KLK7: variants seen among roughly 807,000 people sequenced by gnomAD.
KLK7 encodes the protein kallikrein related peptidase 7, also known as kallikrein-7.
In KLK7, 17 loss-of-function variants were observed where a neutral mutation model predicts 21.0. That is an observed-to-expected ratio of 0.81 (90% CI 0.55 to 1.21). The LOEUF is 1.21. KLK7 is among the 50% of genes most tolerant of loss of function. The probability of loss-of-function intolerance (pLI) is 0.00; values close to 1 mark genes in which losing one functional copy is unlikely to be tolerated. For missense variants in KLK7, 330 were observed against 322.8 expected, an observed-to-expected ratio of 1.02 and a Z score of -0.17; for synonymous variants, 151 against 134.6, an observed-to-expected ratio of 1.12 and a Z score of -0.85.
chr19:50,980,104 G>A, intron 4 of KLK7, 136 bp downstream of exon 4: 1 of 1,201,002 alleles, frequency 8.3e-7, no homozygotes, highest in Non-Finnish European at 1.2e-6. Context: ...CTGGGGGCCT[G>A]GACTCCTGGG....
At position 50,977,512 on chromosome 19, in the gene KLK7, A is replaced by T; in HGVS notation, c.*24T>A. The T allele has an allele frequency of 6.2e-7, 1 of 1,607,696 alleles. No homozygotes were observed. Among genetic ancestry groups the T allele is most frequent in the Non-Finnish European group, 8.5e-7 (1 of 1,174,532 alleles). On this transcript the variant is annotated 3_prime_UTR_variant, in exon 6 of 6. Coordinates refer to ENST00000595820, the MANE Select transcript of KLK7 (RefSeq NM_005046.4). Reference sequence around the variant, plus strand: ...CCTGTGCATTTTCTGTTGGAAGCACACAGTTAATTAACTCAGTGTGGCGTT... The same window carrying T: ...CCTGTGCATTTTCTGTTGGAAGCACTCAGTTAATTAACTCAGTGTGGCGTT...
Position 50,977,578 on chromosome 19 carries a change from C to T in KLK7, c.720G>A (p.Lys240=), listed in dbSNP as rs760820716. The T allele has an allele frequency of 1.9e-6, 3 of 1,613,966 alleles. No homozygotes were observed. Among genetic ancestry groups the T allele is most frequent in the Middle Eastern group, 1.6e-4 (1 of 6,062 alleles). ...NDPGVYTQVC[K]FTKWINDTMK... ...TGGTGTCATTTATCCACTTGGTGAA[C>T]TTGCACACTTGAGTGTAGACTCCTG... The change falls in exon 6 of 6, where the codon AAG becomes AAA. Residue 240 remains lysine, a synonymous_variant. Transcript: ENST00000595820.
rs1283250300 is a variant in KLK7, at chr19:50,977,618, C to T, written c.680G>A (p.Gly227Asp). The change falls in exon 6 of 6, where the codon GGC becomes GAC. Residue 227 changes from glycine (G) to aspartate (D), a missense_variant. Coordinates refer to ENST00000595820, the MANE Select transcript of KLK7 (RefSeq NM_005046.4). ...GTAGACTCCTGGGTCATTGGGTTGG[C>T]CGCAAGGGAAAGTTCCCCAGGACAC... ...GLVSWGTFPCGQPNDPGVYTQ... is the reference protein window; with the variant it reads ...GLVSWGTFPCDQPNDPGVYTQ... 1 of 1,613,398 alleles carries T rather than the reference C, an allele frequency of 6.2e-7. No homozygotes were observed. The highest frequency in any genetic ancestry group is 8.5e-7 in the Non-Finnish European group (1 of 1,179,890).
In KLK7 at chr19:50,977,557, G is replaced by A. The variant is rs2091046865; in HGVS notation, c.741C>T (p.Asp247=). 2 of 1,613,734 alleles carry A rather than the reference G, an allele frequency of 1.2e-6. No homozygotes were observed. Among genetic ancestry groups the A allele is most frequent in the Non-Finnish European group, 1.7e-6 (2 of 1,179,928 alleles). Reference sequence around the variant, plus strand: ...GGCGTTAGCGATGCTTTTTCATGGTGTCATTTATCCACTTGGTGAACTTGC... The same window carrying A: ...GGCGTTAGCGATGCTTTTTCATGGTATCATTTATCCACTTGGTGAACTTGC... The part of the protein sequence containing the change: ...QVCKFTKWIN[D]TMKKHR The change falls in exon 6 of 6, where the codon GAC becomes GAT. Residue 247 remains aspartate, a synonymous_variant. Coordinates refer to ENST00000595820, the MANE Select transcript of KLK7 (RefSeq NM_005046.4).
At chr19:50,977,908 C>T (rs1165357814) in intron 5 of KLK7, among the ~76,000 whole-genome samples, 1 of 152,138 alleles carries the variant, frequency 6.6e-6, no homozygotes, top group Non-Finnish European at 1.5e-5. Flanking sequence ...GCCAATGAGA[C>T]CAATTGCAGA....
intron 3 of KLK7, 89 bp from the exon 4 acceptor site, chr19:50,980,576 C>T: frequency 6.6e-7 from 1 of 1,519,816 alleles, no homozygotes. Flanking sequence ...GGACAGAGAC[C>T]CAGAGAGAGG....
intron 1 of KLK7, 86 bp from the exon 2 acceptor site, chr19:50,982,543 G>A: frequency 7.9e-7 from 1 of 1,272,878 alleles, no homozygotes; most frequent in Non-Finnish European, 1.1e-6. Flanking sequence ...ACAGACCCAG[G>A]AGTCCAGGCC....
In KLK7 at chr19:50,977,413, T is replaced by C. The variant is rs891412288; in HGVS notation, c.*123A>G. The C allele has an allele frequency of 6.0e-6, 4 of 672,204 alleles. No homozygotes were observed. Among genetic ancestry groups the C allele is most frequent in the Non-Finnish European group, 9.0e-6 (4 of 442,958 alleles). The allele number at this position is 672,204 out of a possible 1,614,324, so 41.6% of individuals were successfully genotyped here. A position where few individuals can be genotyped will look rare whatever the true frequency, so the allele number is the denominator to read the frequency against. On this transcript the variant is annotated 3_prime_UTR_variant, in exon 6 of 6. Transcript: ENST00000595820. ...ATTTGATTGGTTTATCAACAGGGCA[T>C]GAGGTTGGTTTAAATATATCTTTGA...
In KLK7 at chr19:50,977,648, C is replaced by T. The variant is rs746228119; in HGVS notation, c.650G>A (p.Gly217Asp). The T allele has an allele frequency of 1.9e-6, 3 of 1,613,774 alleles. No homozygotes were observed. In the South Asian group the frequency reaches 3.3e-5, roughly 18 times the overall value. ...AGGGAAAGTTCCCCAGGACACCAGA[C>T]CTTGCAGGGTACCTCTGCACACCAA... ...GPLVCRGTLQ[G>D]LVSWGTFPCG... The change falls in exon 6 of 6, where the codon GGT becomes GAT. Residue 217 changes from glycine (G) to aspartate (D), a missense_variant. Transcript: ENST00000595820.
Position 50,980,275 on chromosome 19 carries a change from G to C in KLK7, c.434C>G (p.Thr145Ser). Residue 145 changes from threonine to serine, a missense_variant, in exon 4 of 6, where the codon ACT becomes AGT. By Grantham distance (58) the Thr-to-Ser change is moderately conservative. Coordinates refer to ENST00000595820, the MANE Select transcript of KLK7 (RefSeq NM_005046.4). ...CGTGGTAGTGCCCCAGCCGGAGACA[G>C]TACAGGTGGTTCCAGGGGGTTCGCA... Reference protein sequence around the residue: ...SRCEPPGTTCTVSGWGTTTSP... With the variant: ...SRCEPPGTTCSVSGWGTTTSP... 1 of 1,614,056 alleles carries C rather than the reference G, an allele frequency of 6.2e-7. No homozygotes were observed. The highest frequency in any genetic ancestry group is 1.1e-5 in the South Asian group (1 of 91,088).
Position 50,977,391 on chromosome 19 carries a change from TGATTGGTTTATCAACA to T in KLK7, c.*129_*144del. The T allele has an allele frequency of 1.3e-6, 1 of 780,898 alleles. No homozygotes were observed. Among genetic ancestry groups the T allele is most frequent in the Non-Finnish European group, 2.1e-6 (1 of 483,948 alleles). 48.4% of individuals were successfully genotyped at this position (780,898 alleles called of 1,614,324 possible). ...TTTTGGTTTTAGGTCTTTACCAATT[TGATTGGTTTATCAACA>T]GGGCATGAGGTTGGTTTAAATATAT... On this transcript the variant is annotated 3_prime_UTR_variant, in exon 6 of 6. Transcript: ENST00000595820.
chr19:50,978,952 G>T (rs966951986), intron 5 of KLK7, among the ~76,000 whole-genome samples: 1 of 151,738 alleles, frequency 6.6e-6, no homozygotes, highest in Non-Finnish European at 1.5e-5. Flanking sequence ...GAGAAAGAGG[G>T]AGAAGACAGA....
chr19:50,981,124 ACCAGAGAGAGAGGGTGACAGAGAC>A (rs1471376017), intron 3 of KLK7, among the ~76,000 whole-genome samples: 5 of 138,480 alleles, frequency 3.6e-5, no homozygotes, highest in South Asian at 2.6e-4. Context: ...GGGAACAGAG[ACCAGAGAGAGAGGGTGACAGAGAC>A]CCAGAGAGAG....
At position 50,982,332 on chromosome 19, in the gene KLK7, TCTC is replaced by T. The variant is rs2122265068; in HGVS notation, c.65_67del (p.Gly22del). 2 of 1,610,044 alleles carry T rather than the reference TCTC, an allele frequency of 1.2e-6. No individual in the cohort carries two copies. The highest frequency in any genetic ancestry group is 1.7e-6 in the Non-Finnish European group (2 of 1,178,390). ...CTTCCCAGTCCAGCTTTCACCTTCT[TCTC>T]CTGCAGTTTCCAAGGCTAAGGATAG... On this transcript the variant is annotated inframe_deletion, in exon 2 of 6. Coordinates refer to ENST00000595820, the MANE Select transcript of KLK7 (RefSeq NM_005046.4).
rs556074541 is a variant in KLK7 at position 50,978,728 on chromosome 19, G to A, written c.607-1037C>T. On this transcript the variant is annotated intron_variant, in intron 5 of 5. Transcript: ENST00000595820. The stretch of plus-strand genomic sequence containing the variant: ...GAAAGAAAGACAGAGATGGGGGAGC[G>A]GCAGGGAGAGGAGAGAGATAGAAGA... Among the ~76,000 whole-genome samples, 6 of 148,764 alleles carry A rather than the reference G, an allele frequency of 4.0e-5. No homozygotes were observed. In the East Asian group the frequency reaches 6.1e-4, roughly 15 times the overall value.
At chr19:50,983,354 C>A (rs1396808940) in intron 1 of KLK7, among the ~76,000 whole-genome samples, 1 of 39,710 alleles carries the variant, frequency 2.5e-5, no homozygotes, top group African/African-American at 1.3e-4. Context: ...GGAGTCCAGG[C>A]CCCAGCCCCT....
intron 3 of KLK7, 47 bp from the exon 4 acceptor site, chr19:50,980,534 G>A: frequency 1.2e-6 from 2 of 1,610,340 alleles, no homozygotes; most frequent in African/African-American, 1.3e-5. Flanking sequence ...CTGTGACAGA[G>A]AGGGTGTGCA....
chr19:50,981,866 T>C lies in KLK7; in HGVS notation c.122A>G (p.His41Arg), dbSNP rs2091091941. The change falls in exon 3 of 6, where the codon CAC becomes CGC. Residue 41 changes from histidine (H) to arginine (R), a missense_variant. Coordinates refer to ENST00000595820, the MANE Select transcript of KLK7 (RefSeq NM_005046.4). ...ACTGAGCAGGGCCACCTGCCATGGGTGGGAGCCTCTTGCACATGGGGCGCC... is the reference window on the plus strand; with the variant it reads ...ACTGAGCAGGGCCACCTGCCATGGGCGGGAGCCTCTTGCACATGGGGCGCC... ...IDGAPCARGS[H>R]PWQVALLSGN... 1.9e-6 allele frequency: 3 copies of C among 1,611,894 alleles called. No homozygotes were observed. Among genetic ancestry groups the C allele is most frequent in the Non-Finnish European group, 2.5e-6 (3 of 1,179,390 alleles).
In KLK7 at chr19:50,979,874, G is replaced by C. The variant is rs190178846; in HGVS notation, c.520C>G (p.Gln174Glu). Reference protein sequence around the residue: ...MCVDVKLISPQDCTKVYKDLL... With the variant: ...MCVDVKLISPEDCTKVYKDLL... ...TCCTTGTAAACCTTCGTGCAGTCCT[G>C]GGGGGAGATGAGCTTGACATCCACG... is the stretch of plus-strand genomic sequence containing the variant. Residue 174 changes from glutamine to glutamate, a missense_variant, in exon 5 of 6, where the codon CAG becomes GAG. Transcript: ENST00000595820. 1.3e-5 allele frequency: 20 copies of C among 1,590,618 alleles called. No individual in the cohort carries two copies. Among genetic ancestry groups the C allele is most frequent in the Non-Finnish European group, 1.4e-5 (16 of 1,168,358 alleles).
Sources: gnomAD v4.1 joint callset for allele counts (sites outside exome capture counted in the v4.1 genomes callset) on GRCh38, gnomAD v4.1.1 for gene constraint, MANE v1.5 for transcripts, NCBI Gene and HGNC (gene_info 2026-07-23, HGNC 2026-07-21) for gene names.